The following NTNG1 variants were observed in gnomAD, a reference collection of about 807,000 sequenced individuals.
The protein encoded by NTNG1 is netrin-G1.
NTNG1 carries 16 observed loss-of-function variants against 54.0 expected under a neutral mutation model. That is an observed-to-expected ratio of 0.30 (90% CI 0.20 to 0.45). NTNG1 has a LOEUF of 0.45. Ranked by LOEUF, NTNG1 falls within the 20% of genes least tolerant of loss-of-function variation. NTNG1 has a pLI of 1.00. For missense variants in NTNG1, 530 were observed against 678.7 expected (o/e 0.78, Z 2.43); for synonymous variants, 255 against 263.1 (o/e 0.97, Z 0.30).
chr1:107,284,231 C>A (rs1307500377), intron 2 of NTNG1, among the ~76,000 whole-genome samples: 1 of 151,958 alleles, frequency 6.6e-6, no homozygotes, highest in Non-Finnish European at 1.5e-5. Context: ...TACAGAAGAG[C>A]AAATAAAGTA....
chr1:107,434,546 T>G (rs1675483005), intron 6 of NTNG1, among the ~76,000 whole-genome samples: 1 of 152,194 alleles, frequency 6.6e-6, no homozygotes, highest in Non-Finnish European at 1.5e-5. Flanking sequence ...TGCATCACAA[T>G]GAAACAGAGC....
chr1:107,319,758 C>A (rs930105677), intron 2 of NTNG1, among the ~76,000 whole-genome samples: 3 of 151,988 alleles, frequency 2.0e-5, no homozygotes, highest in Non-Finnish European at 4.4e-5. Context: ...GAATTCTCTT[C>A]ATTTTCAACT....
At chr1:107,263,697 A>G (rs1307549639) in intron 2 of NTNG1, among the ~76,000 whole-genome samples, 3 of 152,212 alleles carry the variant, frequency 2.0e-5, no homozygotes, top group Non-Finnish European at 2.9e-5. Flanking sequence ...TACAAGCCTT[A>G]TAACCTGAGG....
intron 3 of NTNG1, among the ~76,000 whole-genome samples, chr1:107,370,141 A>G (rs1422003559): frequency 5.3e-5 from 8 of 151,232 alleles, no homozygotes; most frequent in Non-Finnish European, 7.4e-5. Context: ...GAAATCAGGT[A>G]GTGTTAATCT....
In NTNG1 at chr1:107,221,270, G is replaced by T. The variant is rs564029959; in HGVS notation, c.246+72431G>T. Among the ~76,000 whole-genome samples, 68 of 152,246 alleles carry T rather than the reference G, an allele frequency of 4.5e-4. No homozygotes were observed. In the South Asian group the frequency reaches 0.013, roughly 30 times the overall value. ...TTTTTGATAAGGCTTTGCAGGGTGTGATGGTACACAGCAAATTGCCCTTGG... is the reference window on the plus strand; with the variant it reads ...TTTTTGATAAGGCTTTGCAGGGTGTTATGGTACACAGCAAATTGCCCTTGG... On this transcript the variant is annotated intron_variant, in intron 2 of 7. Coordinates refer to ENST00000370068, the MANE Select transcript of NTNG1 (RefSeq NM_001113226.3).
intron 2 of NTNG1, among the ~76,000 whole-genome samples, chr1:107,231,117 A>G (rs1433457129): frequency 6.6e-6 from 1 of 152,186 alleles, no homozygotes; most frequent in Non-Finnish European, 1.5e-5. Flanking sequence ...ACAAACATAA[A>G]TATCCCTGCC....
At chr1:107,211,071 C>A (rs369932816) in intron 2 of NTNG1, among the ~76,000 whole-genome samples, 3 of 152,118 alleles carry the variant, frequency 2.0e-5, no homozygotes, top group South Asian at 2.1e-4. Flanking sequence ...CATACATATT[C>A]TCTGTAATTT....
chr1:107,364,526 T>C (rs1337150277), intron 3 of NTNG1, among the ~76,000 whole-genome samples: 2 of 152,204 alleles, frequency 1.3e-5, no homozygotes. Context: ...TCTCACTACA[T>C]TTTACATATA....
chr1:107,275,631 G>GA (rs576541043), intron 2 of NTNG1, among the ~76,000 whole-genome samples: 51 of 152,008 alleles, frequency 3.4e-4, no homozygotes, highest in Non-Finnish European at 7.1e-4. Context: ...CAAAGGCAGG[G>GA]AAAAAAACCC....
chr1:107,262,138 ATTTACATTAAAAGTCT>A (rs962988738), intron 2 of NTNG1, among the ~76,000 whole-genome samples: 2 of 152,238 alleles, frequency 1.3e-5, no homozygotes, highest in East Asian at 1.9e-4. Flanking sequence ...TGATTTATAT[ATTTACATTAAAAGTCT>A]TTTACATTAA....
intron 3 of NTNG1, among the ~76,000 whole-genome samples, chr1:107,328,403 C>T (rs1170841215): frequency 6.6e-6 from 1 of 152,072 alleles, no homozygotes; most frequent in East Asian, 1.9e-4. Context: ...GTAGCATTAA[C>T]TGTATTAAAT....
intron 5 of NTNG1, chr1:107,418,781 T>G (rs1378236835): frequency 5.0e-6 from 3 of 605,348 alleles, no homozygotes; most frequent in Non-Finnish European, 8.7e-6. Context: ...CAATCTTTTT[T>G]TCTAATATGA....
intron 1 of NTNG1, among the ~76,000 whole-genome samples, chr1:107,147,424 C>A (rs774232551): frequency 6.6e-6 from 1 of 151,544 alleles, no homozygotes; most frequent in Non-Finnish European, 1.5e-5. Context: ...ATAGAAAATT[C>A]TTATGAAAGG....
intron 5 of NTNG1, among the ~76,000 whole-genome samples, chr1:107,420,063 G>A (rs1570924222): frequency 6.6e-6 from 1 of 152,058 alleles, no homozygotes; most frequent in Non-Finnish European, 1.5e-5. Context: ...ATTTCCTATT[G>A]AATTTCATAG....
chr1:107,362,998 C>T (rs949958917), intron 3 of NTNG1, among the ~76,000 whole-genome samples: 4 of 152,132 alleles, frequency 2.6e-5, no homozygotes, highest in African/African-American at 9.7e-5. Flanking sequence ...TGGCTTTTAT[C>T]ATACAGAAGG....
At chr1:107,339,067 C>T (rs1668755151) in intron 3 of NTNG1, among the ~76,000 whole-genome samples, 1 of 151,962 alleles carries the variant, frequency 6.6e-6, no homozygotes, top group South Asian at 2.1e-4. Context: ...GTTGAGAAAT[C>T]CCATCCACAT....
intron 3 of NTNG1, among the ~76,000 whole-genome samples, chr1:107,380,288 A>G (rs1298652826): frequency 6.6e-6 from 1 of 152,196 alleles, no homozygotes; most frequent in Non-Finnish European, 1.5e-5. Context: ...ATTTTCAAAC[A>G]CTTAAAAGAT....
chr1:107,383,507 A>C (rs1671770346), intron 3 of NTNG1, among the ~76,000 whole-genome samples: 1 of 152,252 alleles, frequency 6.6e-6, no homozygotes, highest in South Asian at 2.1e-4. Context: ...TCTAATATAG[A>C]AGTTGGTTAC....
intron 2 of NTNG1, among the ~76,000 whole-genome samples, chr1:107,158,449 C>A (rs1170259071): frequency 1.3e-5 from 2 of 152,040 alleles, no homozygotes; most frequent in African/African-American, 4.8e-5. Flanking sequence ...AAGCTGACTT[C>A]TAAAATATTA....
Sources: allele counts gnomAD v4.1 joint callset (sites outside exome capture counted in the v4.1 genomes callset), GRCh38; gene constraint gnomAD v4.1.1; transcripts MANE v1.5; gene names NCBI Gene and HGNC (gene_info 2026-07-23, HGNC 2026-07-21).